MLC1: variants seen among roughly 807,000 people sequenced by gnomAD.
The protein encoded by MLC1 is modulator of VRAC current 1, also known as membrane protein MLC1.
In MLC1, 32 loss-of-function variants were observed where a neutral mutation model predicts 44.7. That is an observed-to-expected ratio of 0.72 (90% CI 0.54 to 0.96). The LOEUF (loss-of-function observed/expected upper bound fraction) is 0.96, where lower values mean the gene tolerates loss of function less well. Among genes scored for constraint, MLC1 ranks in the 40% least tolerant of loss-of-function variants. The probability of loss-of-function intolerance (pLI) is 0.00; values close to 1 mark genes in which losing one functional copy is unlikely to be tolerated. For synonymous variants in MLC1, 190 were observed against 213.0 expected, an observed-to-expected ratio of 0.89 and a Z score of 0.94; for missense variants, 459 against 492.2, an observed-to-expected ratio of 0.93 and a Z score of 0.64.
intron 10 of MLC1, among the ~76,000 whole-genome samples, chr22:50,064,563 C>T (rs545806786): frequency 6.6e-6 from 1 of 152,128 alleles, no homozygotes; most frequent in African/African-American, 2.4e-5. Context: ...GAGGCAGAAG[C>T]GCTGACCGTT....
At chr22:50,085,241 G>T in intron 1 of MLC1, 114 bp downstream of exon 1, 1 of 1,219,202 alleles carries the variant, frequency 8.2e-7, no homozygotes, top group South Asian at 1.6e-5. Context: ...CGGCAACTTC[G>T]TCCATGAACA....
At position 50,081,360 on chromosome 22, in the gene MLC1, A is replaced by AAAAG. The variant is rs570505839; in HGVS notation, c.268-967_268-964dup. Among the ~76,000 whole-genome samples the AAAAG allele has an allele frequency of 1.1e-3, 162 of 152,124 alleles. 2 individuals carry two copies. The East Asian group carries it at 0.029, about 27-fold the overall frequency. ...TCCGTCAAAGAAAGAAAGAAAGAAA[A>AAAAG]AAAGAAAGAAAGAAAGAGGAAGGAA... On this transcript the variant is annotated intron_variant, in intron 3 of 11. Transcript: ENST00000311597.
At chr22:50,072,251 G>C (rs543164249) in intron 8 of MLC1, among the ~76,000 whole-genome samples, 1 of 152,330 alleles carries the variant, frequency 6.6e-6, no homozygotes, top group South Asian at 2.1e-4. Context: ...TCAGCCATAG[G>C]GGCTGGGGCA....
At chr22:50,084,412 C>T (rs1476551802) in intron 2 of MLC1, among the ~76,000 whole-genome samples, 1 of 152,182 alleles carries the variant, frequency 6.6e-6, no homozygotes, top group Non-Finnish European at 1.5e-5. Flanking sequence ...CTCAGAGGAC[C>T]CTGGGCCCCC....
At chr22:50,072,583 G>A (rs908076032) in intron 8 of MLC1, among the ~76,000 whole-genome samples, 3 of 152,220 alleles carry the variant, frequency 2.0e-5, no homozygotes, top group African/African-American at 7.2e-5. Context: ...GGGGTCTGCG[G>A]GATGGGAGGG....
At chr22:50,077,172 G>C (rs893598044) in intron 6 of MLC1, among the ~76,000 whole-genome samples, 1 of 152,174 alleles carries the variant, frequency 6.6e-6, no homozygotes, top group African/African-American at 2.4e-5. Flanking sequence ...GGGGAGGGGA[G>C]GGTACAGCAT....
intron 2 of MLC1, 29 bp downstream of exon 2, chr22:50,084,697 C>T (rs1386605773): frequency 6.2e-7 from 1 of 1,612,448 alleles, no homozygotes. Context: ...GCTCGTGGCC[C>T]TCCAAGGGCT....
rs78644350 is a variant in MLC1 at position 50,074,332 on chromosome 22, C to A, written c.598G>T (p.Val200Phe). Reference sequence around the variant, plus strand: ...GAGATGCCTGCGATTACCTCGACGACCTGGAGGGGACAGGACAGCATCGGC... The same window carrying A: ...GAGATGCCTGCGATTACCTCGACGAACTGGAGGGGACAGGACAGCATCGGC... ...FPARVLKSYS[V>F]VEVIAGISAV... Residue 200 changes from valine to phenylalanine, a missense_variant and splice_region_variant, in exon 8 of 12, where the codon GTC becomes TTC. Val to Phe is a conservative substitution (Grantham distance 50). Transcript: ENST00000311597. 6.2e-7 allele frequency: 1 copy of A among 1,612,844 alleles called. No individual in the cohort carries two copies. Among genetic ancestry groups the A allele is most frequent in the East Asian group, 2.2e-5 (1 of 44,876 alleles).
intron 10 of MLC1, among the ~76,000 whole-genome samples, chr22:50,065,438 C>A (rs1262500498): frequency 6.6e-6 from 1 of 152,022 alleles, no homozygotes; most frequent in Non-Finnish European, 1.5e-5. Context: ...ATAGCTTTCA[C>A]ATAACAAAAA....
intron 6 of MLC1, 74 bp from the exon 7 acceptor site, chr22:50,076,986 C>A: frequency 6.5e-7 from 1 of 1,543,734 alleles, no homozygotes; most frequent in Non-Finnish European, 9.0e-7. Flanking sequence ...ATCCGGCCGC[C>A]GTGGGCAGTG....
At chr22:50,067,258 G>A (rs565362248) in intron 10 of MLC1, among the ~76,000 whole-genome samples, 40 of 152,136 alleles carry the variant, frequency 2.6e-4, no homozygotes, top group African/African-American at 8.2e-4. Flanking sequence ...GGCCGAGGAC[G>A]CTATCCCCCT....
chr22:50,067,633 C>T (rs2061739456), intron 10 of MLC1, among the ~76,000 whole-genome samples: 1 of 99,806 alleles, frequency 1.0e-5, no homozygotes, highest in Non-Finnish European at 2.0e-5. Flanking sequence ...GTGACTCCAT[C>T]CCCCATCAGA....
intron 11 of MLC1, among the ~76,000 whole-genome samples, chr22:50,062,852 C>T (rs3817808): frequency 0.12 from 18,544 of 152,230 alleles, 1,269 homozygotes; most frequent in South Asian, 0.23. Flanking sequence ...ACCCGTAGCT[C>T]GGTGGGGGGA....
At chr22:50,084,180 A>G (rs2062221915) in intron 2 of MLC1, among the ~76,000 whole-genome samples, 1 of 152,126 alleles carries the variant, frequency 6.6e-6, no homozygotes, top group Admixed American at 6.5e-5. Flanking sequence ...GGCTCCTCCA[A>G]TCATCTCTGT....
intron 9 of MLC1, 76 bp from the exon 10 acceptor site, chr22:50,068,631 G>T: frequency 6.7e-7 from 1 of 1,482,310 alleles, no homozygotes; most frequent in Non-Finnish European, 9.4e-7. Context: ...CCAGGGCTGG[G>T]GGGGCGGGCA....
At position 50,061,607 on chromosome 22, in the gene MLC1, G is replaced by A. The variant is rs760778847; in HGVS notation, c.1110C>T (p.Ala370=). Residue 370 remains alanine, a synonymous_variant, in exon 12 of 12, where the codon GCC becomes GCT. Transcript: ENST00000311597. ...GTCACTGGGCCATTTGCACCACGAC[G>A]GCTCTCCAGGCTTTCTCCTTGTCGA... ...KEFDKEKAWR[A]VVVQMAQ The A allele has an allele frequency of 1.5e-5, 25 of 1,613,708 alleles. No homozygotes were observed. The highest frequency in any genetic ancestry group is 2.7e-5 in the African/African-American group (2 of 74,896).
intron 2 of MLC1, among the ~76,000 whole-genome samples, chr22:50,084,370 G>A (rs1019610494): frequency 6.6e-6 from 1 of 152,116 alleles, no homozygotes; most frequent in Non-Finnish European, 1.5e-5. Context: ...CTGAAGGCCT[G>A]AGACGCCTCC....
chr22:50,071,014 G>A (rs549332563), intron 8 of MLC1, among the ~76,000 whole-genome samples: 188 of 152,250 alleles, frequency 1.2e-3, no homozygotes, highest in African/African-American at 4.4e-3. Context: ...ACGCTCGAGA[G>A]ACTCCACGTG....
At chr22:50,076,943 G>T in intron 6 of MLC1, 31 bp from the exon 7 acceptor site, 1 of 1,612,880 alleles carries the variant, frequency 6.2e-7, no homozygotes, top group Non-Finnish European at 8.5e-7. Context: ...CACCCCGGGT[G>T]CACGGGCACA....
Sources: allele counts gnomAD v4.1 joint callset (sites outside exome capture counted in the v4.1 genomes callset), GRCh38; gene constraint gnomAD v4.1.1; transcripts MANE v1.5; gene names NCBI Gene and HGNC (gene_info 2026-07-23, HGNC 2026-07-21).